AP1B1: variants seen among roughly 807,000 people sequenced by gnomAD.
AP1B1 encodes the protein adaptor related protein complex 1 subunit beta 1.
A neutral mutation model predicts 104.3 loss-of-function variants in AP1B1; 36 were observed. The observed-to-expected ratio is 0.35, with a 90% CI of 0.26 to 0.46. AP1B1 has a LOEUF of 0.46. Ranked by LOEUF, AP1B1 falls within the 20% of genes least tolerant of loss-of-function variation. The pLI is 1.00. For synonymous variants in AP1B1, 504 were observed against 517.5 expected, an observed-to-expected ratio of 0.97 and a Z score of 0.35; for missense variants, 901 against 1,247.9, an observed-to-expected ratio of 0.72 and a Z score of 4.19.
intron 17 of AP1B1, among the ~76,000 whole-genome samples, chr22:29,333,862 G>A (rs1419887723): frequency 5.3e-5 from 8 of 151,730 alleles, no homozygotes; most frequent in East Asian, 1.9e-4. Flanking sequence ...TCAGGAGTTC[G>A]AGACCAGCCT....
At chr22:29,383,446 C>T (rs1284171738) in intron 1 of AP1B1, among the ~76,000 whole-genome samples, 1 of 152,148 alleles carries the variant, frequency 6.6e-6, no homozygotes, top group Non-Finnish European at 1.5e-5. Context: ...TGCGGTGGCT[C>T]ACGCCTGTAA....
intron 1 of AP1B1, among the ~76,000 whole-genome samples, chr22:29,385,313 G>A (rs552545692): frequency 1.3e-5 from 2 of 152,306 alleles, no homozygotes; most frequent in South Asian, 4.1e-4. Flanking sequence ...TCAAGCCCAG[G>A]AGTTGGAGCC....
intron 11 of AP1B1, among the ~76,000 whole-genome samples, chr22:29,346,067 C>A (rs2061788393): frequency 6.6e-6 from 1 of 152,196 alleles, no homozygotes; most frequent in Non-Finnish European, 1.5e-5. Context: ...ACATCACACC[C>A]CCACTTTACA....
chr22:29,341,932 C>G (rs538480175), intron 12 of AP1B1, among the ~76,000 whole-genome samples, 172 bp from the exon 13 acceptor site: 4 of 152,208 alleles, frequency 2.6e-5, no homozygotes, highest in Non-Finnish European at 5.9e-5. Context: ...GCCCTGGCCC[C>G]GGGCTCATTC....
In AP1B1 at chr22:29,359,841, CG is replaced by C; in HGVS notation, c.261del (p.Val88SerfsTer5). On this transcript the variant is annotated frameshift_variant, in exon 4 of 23. Transcript: ENST00000357586. LOFTEE classifies it high-confidence loss of function. Reference protein sequence around the residue: ...AKSQPDMAIMAVNTFVKDCED... With the variant: ...AKSQPDMAIMXVNTFVKDCED... ...CTGCTCACCTTCACAAAGGTGTTGA[CG>C]GCCATAATGGCCATGTCAGGCTGAC... 1 of 1,613,648 alleles carries C rather than the reference CG, an allele frequency of 6.2e-7. No homozygotes were observed. The highest frequency in any genetic ancestry group is 8.5e-7 in the Non-Finnish European group (1 of 1,179,770).
chr22:29,329,518 G>A (rs957547168), intron 22 of AP1B1, 194 bp downstream of exon 22: 15 of 1,422,844 alleles, frequency 1.1e-5, no homozygotes, highest in Non-Finnish European at 1.4e-5. Context: ...GGTCTCCTAG[G>A]AAGGACTCTG....
At chr22:29,373,112 C>A (rs1301588791) in intron 1 of AP1B1, among the ~76,000 whole-genome samples, 1 of 151,980 alleles carries the variant, frequency 6.6e-6, no homozygotes, top group East Asian at 1.9e-4. Flanking sequence ...ATGGTGAAAT[C>A]CTGTCTCTAC....
At chr22:29,350,278 CAGG>C (rs1482254612) in intron 9 of AP1B1, 128 bp from the exon 10 acceptor site, 1 of 667,540 alleles carries the variant, frequency 1.5e-6, no homozygotes, top group East Asian at 2.7e-5. Flanking sequence ...AGTGGGAAAA[CAGG>C]AGAACCCTCT....
In AP1B1 at chr22:29,356,633, G is replaced by C. The variant is rs567421451; in HGVS notation, c.526-17C>G. 3.7e-6 allele frequency: 6 copies of C among 1,611,854 alleles called. No individual in the cohort carries two copies. The African/African-American group carries it at 5.3e-5, about 14-fold the overall frequency. ...GGCCACCACCTGGTTGAGAGGGTGG[G>C]AGGGGCAGAGGCTGGGGGTGCTGCT... On this transcript the variant is annotated splice_polypyrimidine_tract_variant and intron_variant, in intron 5 of 22. Transcript: ENST00000357586.
At chr22:29,336,508 A>G (rs957776466) in intron 16 of AP1B1, among the ~76,000 whole-genome samples, 1 of 152,200 alleles carries the variant, frequency 6.6e-6, no homozygotes, top group Admixed American at 6.5e-5. Flanking sequence ...AACACTGGTA[A>G]GACAAACACA....
Position 29,351,770 on chromosome 22 carries a change from T to C in AP1B1, c.994A>G (p.Ile332Val), listed in dbSNP as rs375122078. Residue 332 changes from isoleucine (I) to valine (V), a missense_variant, in exon 8 of 23, where the codon ATC (isoleucine) becomes GTC (valine). Ile to Val is a conservative substitution (Grantham distance 29, BLOSUM62 3). This residue lies in a region of AP1B1 where 471 missense variants were observed against 696.7 expected (regional missense o/e 0.68). Coordinates refer to ENST00000357586, the MANE Select transcript of AP1B1 (RefSeq NM_001127.4). ...KVFFVKYNDP[I>V]YVKLEKLDIM... ...TCCAGCTTCTCCAGCTTCACGTAGA[T>C]AGGGTCGTTGTACTTCACGAAGAAC... 3 of 1,614,178 alleles carry C rather than the reference T, an allele frequency of 1.9e-6. No homozygotes were observed. Among genetic ancestry groups the C allele is most frequent in the Non-Finnish European group, 2.5e-6 (3 of 1,180,028 alleles).
At chr22:29,329,275 G>T in intron 22 of AP1B1, 2 of 1,156,496 alleles carry the variant, frequency 1.7e-6, no homozygotes, top group African/African-American at 1.6e-5. Flanking sequence ...TCCCGAGGGG[G>T]TGCGGAGGGC....
rs1054770372 is a variant in AP1B1 at position 29,359,314 on chromosome 22, G to C, written c.280-343C>G. ...ACATCCACCTAGCATCACAGCCCTCGGTCTTTCCACTGGGCCACAGAAGCC... is the reference window on the plus strand; with the variant it reads ...ACATCCACCTAGCATCACAGCCCTCCGTCTTTCCACTGGGCCACAGAAGCC... On this transcript the variant is annotated intron_variant, in intron 4 of 22. Transcript: ENST00000357586. Among the ~76,000 whole-genome samples, 14 of 152,122 alleles carry C rather than the reference G, an allele frequency of 9.2e-5. 1 individual carries two copies. Among genetic ancestry groups the C allele is most frequent in the African/African-American group, 3.1e-4 (13 of 41,422 alleles).
intron 1 of AP1B1, among the ~76,000 whole-genome samples, chr22:29,386,987 C>A (rs974752382): frequency 6.6e-6 from 1 of 152,212 alleles, no homozygotes; most frequent in Non-Finnish European, 1.5e-5. Flanking sequence ...TCTTCCAGAA[C>A]CTAGGACCAA....
At chr22:29,353,806 G>T (rs571363073) in intron 7 of AP1B1, among the ~76,000 whole-genome samples, 1 of 152,266 alleles carries the variant, frequency 6.6e-6, no homozygotes, top group African/African-American at 2.4e-5. Flanking sequence ...GGTTGCTACT[G>T]TCAAGTCCCC....
At chr22:29,346,803 G>A (rs1249506187) in intron 11 of AP1B1, among the ~76,000 whole-genome samples, 4 of 152,100 alleles carry the variant, frequency 2.6e-5, no homozygotes, top group African/African-American at 2.4e-5. Context: ...GTGGGGGGGG[G>A]TGACGGTGGG....
chr22:29,358,927 C>A lies in AP1B1; in HGVS notation c.324G>T (p.Arg108=). The change falls in exon 5 of 23, where the codon CGG becomes CGT. Residue 108 remains arginine (R), a synonymous_variant. Coordinates refer to ENST00000357586, the MANE Select transcript of AP1B1 (RefSeq NM_001127.4). ...PNPLIRALAV[R]TMGCIRVDKI... is the part of the protein sequence containing the mutation. ...TGTCAACGCGGATGCAGCCCATGGT[C>A]CGCACTGCCAGGGCTCGGATGAGGG... 6.2e-7 allele frequency: 1 copy of A among 1,612,584 alleles called. No homozygotes were observed. The highest frequency in any genetic ancestry group is 8.5e-7 in the Non-Finnish European group (1 of 1,179,494).
intron 1 of AP1B1, among the ~76,000 whole-genome samples, chr22:29,375,689 T>C (rs576368655): frequency 6.6e-6 from 1 of 152,196 alleles, no homozygotes; most frequent in African/African-American, 2.4e-5. Flanking sequence ...CTGGCCCTAC[T>C]ACCAACAGCT....
intron 11 of AP1B1, 144 bp downstream of exon 11, chr22:29,349,074 C>T (rs778415329): frequency 7.1e-5 from 64 of 905,928 alleles, no homozygotes; most frequent in Non-Finnish European, 9.3e-5. Flanking sequence ...GGAAAAGGGG[C>T]GGTGTCCATT....
Sources: allele counts gnomAD v4.1 joint callset (sites outside exome capture counted in the v4.1 genomes callset), GRCh38; gene constraint gnomAD v4.1.1; regional missense constraint gnomAD v4.1.1; transcripts MANE v1.5; gene names NCBI Gene and HGNC (gene_info 2026-07-23, HGNC 2026-07-21).